Variants in MTA1 observed in about 807,000 individuals in gnomAD.
MTA1 encodes the protein metastasis associated 1.
A neutral mutation model predicts 97.0 loss-of-function variants in MTA1; 15 were observed. That is an observed-to-expected ratio of 0.15 (90% CI 0.10 to 0.24). The LOEUF (loss-of-function observed/expected upper bound fraction) is 0.24. MTA1 is among the 10% of genes least tolerant of loss of function. The pLI is 1.00. For missense variants in MTA1, 709 were observed against 1,015.1 expected (o/e 0.70, Z 4.10); for synonymous variants, 435 against 417.5 (o/e 1.04, Z -0.51).
rs974998849 is a variant in MTA1, at chr14:105,447,615, C to T, written c.191-1744C>T. Among the ~76,000 whole-genome samples the T allele has an allele frequency of 5.3e-5, 8 of 152,140 alleles. No individual in the cohort carries two copies. In the South Asian group the frequency reaches 6.2e-4, roughly 12 times the overall value. ...CAGTGTCCCAGCTCGAGCACTGGCCCCCCCAGGTACACAGCACAGCCCCTT... is the reference window on the plus strand; with the variant it reads ...CAGTGTCCCAGCTCGAGCACTGGCCTCCCCAGGTACACAGCACAGCCCCTT... On this transcript the variant is annotated intron_variant, in intron 3 of 20. Coordinates refer to ENST00000331320, the MANE Select transcript of MTA1 (RefSeq NM_004689.4).
rs200433945 is a variant in MTA1 at position 105,463,284 on chromosome 14, C to T, written c.1017+26C>T. The stretch of plus-strand genomic sequence containing the variant: ...GTGAGCCCGCCCGCCACTCAGTGCC[C>T]GGGGTGTGCCGCCTCCCCGTCCTGC... On this transcript the variant is annotated intron_variant, in intron 11 of 20. Coordinates refer to ENST00000331320, the MANE Select transcript of MTA1 (RefSeq NM_004689.4). The surrounding 1 kb of genome is among the most constrained non-coding windows in gnomAD (Gnocchi z 5.9). The T allele has an allele frequency of 9.0e-5, 145 of 1,609,996 alleles. 1 individual carries two copies. In the East Asian group the frequency reaches 2.0e-3, roughly 22 times the overall value.
Position 105,453,946 on chromosome 14 carries a change from TCTC to T in MTA1, c.433-242_433-240del, listed in dbSNP as rs1466405768. On this transcript the variant is annotated intron_variant, in intron 6 of 20. Transcript: ENST00000331320. ...CCTGCCTCTGCTGACCCTCGGCATG[TCTC>T]CTCCGTGCAGTGTCATGGGGCAGGT... Among the ~76,000 whole-genome samples the T allele has an allele frequency of 2.0e-5, 3 of 152,186 alleles. No homozygotes were observed. The East Asian group carries it at 5.8e-4, about 29-fold the overall frequency.
At chr14:105,421,913 T>C (rs587615071) in intron 1 of MTA1, among the ~76,000 whole-genome samples, 40 of 152,304 alleles carry the variant, frequency 2.6e-4, no homozygotes, top group Admixed American at 4.6e-4. Context: ...ACTCCAGTGC[T>C]GTGAGGGTGG....
chr14:105,462,850 C>T (rs1234310921), intron 10 of MTA1, among the ~76,000 whole-genome samples: 1 of 150,540 alleles, frequency 6.6e-6, no homozygotes, highest in Non-Finnish European at 1.5e-5. Context: ...GCCTGGGTGA[C>T]AGAGCGAGAC....
At position 105,454,170 on chromosome 14, in the gene MTA1, C is replaced by G. The variant is rs370055630; in HGVS notation, c.433-23C>G. On this transcript the variant is annotated intron_variant, in intron 6 of 20. Coordinates refer to ENST00000331320, the MANE Select transcript of MTA1 (RefSeq NM_004689.4). ...GCAGCCTGACTGTGCTGACGCCTCT[C>G]TGTCTCCTGTGGTGTTTTCCAGGAT... 3.8e-6 allele frequency: 6 copies of G among 1,581,422 alleles called. No homozygotes were observed. In the African/African-American group the frequency reaches 8.1e-5, roughly 21 times the overall value.
chr14:105,464,961 A>G, intron 15 of MTA1, 98 bp downstream of exon 15: 1 of 1,444,614 alleles, frequency 6.9e-7, no homozygotes, highest in Non-Finnish European at 9.1e-7. Flanking sequence ...GGGAGTTCTG[A>G]TCTCAGGGAG....
At chr14:105,447,645 C>T (rs1252141787) in intron 3 of MTA1, among the ~76,000 whole-genome samples, 7 of 152,274 alleles carry the variant, frequency 4.6e-5, no homozygotes, top group East Asian at 1.9e-4. Context: ...CCCCTTTGGA[C>T]GGTGCTCCCT....
intron 3 of MTA1, chr14:105,445,807 G>T (rs998216230): frequency 1.8e-5 from 9 of 488,102 alleles, no homozygotes; most frequent in Admixed American, 3.2e-5. Flanking sequence ...ATTGATCGAG[G>T]CTTCTTTTTC....
chr14:105,464,498 G>A lies in MTA1; in HGVS notation c.1275G>A (p.Lys425=). The change falls in exon 14 of 21, where the codon AAG becomes AAA. Residue 425 remains lysine (K), a synonymous_variant. Coordinates refer to ENST00000331320, the MANE Select transcript of MTA1 (RefSeq NM_004689.4). The part of the protein sequence containing the change: ...RLCASCWTYW[K]KYGGLKMPTR... ...GCGCATCTTGTTGGACATATTGGAA[G>A]AAATATGGTGGCTTGAAAATGCCAA... 6 of 1,613,538 alleles carry A rather than the reference G, an allele frequency of 3.7e-6. No homozygotes were observed. Among genetic ancestry groups the A allele is most frequent in the Non-Finnish European group, 5.1e-6 (6 of 1,179,954 alleles).
At chr14:105,445,084 G>C (rs1198391745) in intron 2 of MTA1, among the ~76,000 whole-genome samples, 2 of 152,202 alleles carry the variant, frequency 1.3e-5, no homozygotes, top group African/African-American at 4.8e-5. Flanking sequence ...CCTCCCAGGA[G>C]CTGACTGAGG....
At chr14:105,449,940 G>T in intron 4 of MTA1, 118 bp from the exon 5 acceptor site, 1 of 1,434,178 alleles carries the variant, frequency 7.0e-7, no homozygotes, top group Non-Finnish European at 9.5e-7. Flanking sequence ...AGCAGGAGGA[G>T]GCACGCCTCC....
At position 105,464,826 on chromosome 14, in the gene MTA1, C is replaced by T. The variant is rs374377596; in HGVS notation, c.1497C>T (p.Pro499=). ...GCCCGTGGCACGCTGCGCGGCACCC[C>T]TACCTGCCCATCAACAGCGCGGCCA... ...ILRPWHAARH[P]YLPINSAAIK... The change falls in exon 15 of 21, where the codon CCC becomes CCT. Residue 499 remains proline, a synonymous_variant. Coordinates refer to ENST00000331320, the MANE Select transcript of MTA1 (RefSeq NM_004689.4). 2.5e-6 allele frequency: 4 copies of T among 1,595,082 alleles called. No homozygotes were observed. The African/African-American group carries it at 5.4e-5, about 21-fold the overall frequency.
chr14:105,420,002 C>A lies in MTA1; in HGVS notation c.-34C>A, dbSNP rs1383427572. ...GGCCGCCCGCGCCGAGCGCCGCGCC[C>A]GCCCCGGGCCCCTCCGCCGCCGCCG... On this transcript the variant is annotated 5_prime_UTR_variant, in exon 1 of 21. Transcript: ENST00000331320. The surrounding 1 kb of genome is among the most constrained non-coding windows in gnomAD (Gnocchi z 5.3). 9 of 1,020,976 alleles carry A rather than the reference C, an allele frequency of 8.8e-6. No individual in the cohort carries two copies. The Admixed American group carries it at 4.8e-4, about 54-fold the overall frequency. The allele number at this position is 1,020,976 out of a possible 1,614,324, so 63.2% of individuals were successfully genotyped here.
chr14:105,421,834 C>T (rs1429026544), intron 1 of MTA1, among the ~76,000 whole-genome samples: 1 of 152,220 alleles, frequency 6.6e-6, no homozygotes, highest in African/African-American at 2.4e-5. Flanking sequence ...CGTGGGGCTG[C>T]GCCGCCCTCC....
chr14:105,429,911 C>T (rs1443454817), intron 1 of MTA1, among the ~76,000 whole-genome samples: 1 of 151,748 alleles, frequency 6.6e-6, no homozygotes, highest in Non-Finnish European at 1.5e-5. Context: ...CACACACCAC[C>T]ATGCCTGGCT....
rs782156702 is a variant in MTA1, at chr14:105,464,801, G to A, written c.1472G>A (p.Arg491His). 7 of 1,604,810 alleles carry A rather than the reference G, an allele frequency of 4.4e-6. No individual in the cohort carries two copies. The highest frequency in any genetic ancestry group is 1.7e-5 in the Admixed American group (1 of 59,602). Residue 491 changes from arginine to histidine, a missense_variant, in exon 15 of 21, where the codon CGC (arginine) becomes CAC (histidine). By Grantham distance (29) the Arg-to-His change is conservative. Around this residue, in one of 2 missense-constraint regions of MTA1, gnomAD observed 388 missense variants for 421.6 expected, o/e 0.92. Transcript: ENST00000331320. ...CGGCGCCTGTGCCGTGAGATCCTGC[G>A]CCCGTGGCACGCTGCGCGGCACCCC... ...IARRLCREIL[R>H]PWHAARHPYL...
chr14:105,430,135 C>T (rs1306361979), intron 1 of MTA1, among the ~76,000 whole-genome samples: 3 of 152,140 alleles, frequency 2.0e-5, no homozygotes, highest in African/African-American at 7.2e-5. Flanking sequence ...CCAGGCTTTC[C>T]GTTAGGGTAT....
chr14:105,466,496 C>G lies in MTA1; in HGVS notation c.1695C>G (p.Pro565=). 1.9e-6 allele frequency: 3 copies of G among 1,598,624 alleles called. No homozygotes were observed. The highest frequency in any genetic ancestry group is 2.6e-6 in the Non-Finnish European group (3 of 1,173,532). Residue 565 remains proline, a synonymous_variant, in exon 17 of 21, where the codon CCC becomes CCG. Coordinates refer to ENST00000331320, the MANE Select transcript of MTA1 (RefSeq NM_004689.4). ...CCAGCGTGCTCAGCAGCCTGACGCC[C>G]GCCAAGGTGGCCCCCGTCATCAACA... ...SVSSVLSSLT[P]AKVAPVINNG...
rs782290783 is a variant in MTA1 at position 105,463,303 on chromosome 14, G to A, written c.1017+45G>A. The A allele has an allele frequency of 1.4e-5, 23 of 1,600,526 alleles. No individual in the cohort carries two copies. Among genetic ancestry groups the A allele is most frequent in the East Asian group, 2.2e-5 (1 of 44,780 alleles). On this transcript the variant is annotated intron_variant, in intron 11 of 20. Transcript: ENST00000331320. This position sits in a 1 kb window ranked among gnomAD's most constrained non-coding sequence, Gnocchi z 5.9. ...AGTGCCCGGGGTGTGCCGCCTCCCC[G>A]TCCTGCGCCCCATCCTCTCCCAGCA...
Sources: allele counts gnomAD v4.1 joint callset (sites outside exome capture counted in the v4.1 genomes callset), GRCh38; gene constraint gnomAD v4.1.1; regional missense constraint gnomAD v4.1.1; non-coding constraint Gnocchi (gnomAD v3.1); transcripts MANE v1.5; gene names NCBI Gene and HGNC (gene_info 2026-07-23, HGNC 2026-07-21).